Variants in POU6F1 observed in about 807,000 individuals in gnomAD.
POU6F1 encodes the protein POU domain, class 6, transcription factor 1.
POU6F1 carries 9 observed loss-of-function variants against 28.9 expected under a neutral mutation model. That is an observed-to-expected ratio of 0.31 (90% CI 0.19 to 0.54). The LOEUF (loss-of-function observed/expected upper bound fraction) is 0.54. POU6F1 is among the 20% of genes least tolerant of loss of function. The pLI is 0.94. For synonymous variants in POU6F1, 173 were observed against 171.1 expected, an observed-to-expected ratio of 1.01 and a Z score of -0.09; for missense variants, 338 against 426.1, an observed-to-expected ratio of 0.79 and a Z score of 1.82.
intron 6 of POU6F1, among the ~76,000 whole-genome samples, chr12:51,197,448 G>A (rs190935546): frequency 6.6e-6 from 1 of 152,330 alleles, no homozygotes; most frequent in African/African-American, 2.4e-5. Context: ...CCAGCATAGA[G>A]CTGTAAGCTC....
At chr12:51,212,469 T>TC (rs1408549238) in intron 1 of POU6F1, among the ~76,000 whole-genome samples, 20 of 151,706 alleles carry the variant, frequency 1.3e-4, no homozygotes, top group Non-Finnish European at 1.5e-5. Flanking sequence ...AAAACACATT[T>TC]CCCACCTTTG....
chr12:51,200,899 G>A (rs963882321), intron 3 of POU6F1, among the ~76,000 whole-genome samples: 3 of 152,164 alleles, frequency 2.0e-5, no homozygotes, highest in Non-Finnish European at 4.4e-5. Context: ...CACCATGTTG[G>A]TCAGGCTAGT....
In POU6F1 at chr12:51,196,009, G is replaced by C; in HGVS notation, c.1140C>G (p.Val380=). 1 of 1,608,466 alleles carries C rather than the reference G, an allele frequency of 6.2e-7. No individual in the cohort carries two copies. The highest frequency in any genetic ancestry group is 1.7e-5 in the Admixed American group (1 of 59,624). The part of the protein sequence containing the change: ...ASSPLPPPVA[V]RKPSTPESPA... Reference sequence around the variant, plus strand: ...GGGACTCAGGTGTGCTTGGCTTCCGGACAGCCACAGGTGGAGGCAGGGGGC... The same window carrying C: ...GGGACTCAGGTGTGCTTGGCTTCCGCACAGCCACAGGTGGAGGCAGGGGGC... The change falls in exon 8 of 11, where the codon GTC becomes GTG. Residue 380 remains valine (V), a synonymous_variant. Coordinates refer to ENST00000333640, the MANE Select transcript of POU6F1 (RefSeq NM_001330422.2).
chr12:51,211,194 G>T (rs935168839), intron 1 of POU6F1, among the ~76,000 whole-genome samples: 10 of 152,220 alleles, frequency 6.6e-5, no homozygotes, highest in Admixed American at 1.3e-4. Context: ...AGGGAGGAGA[G>T]ACAATCAGCT....
intron 3 of POU6F1, chr12:51,202,003 G>GC (rs1943249876): frequency 6.6e-6 from 1 of 152,122 alleles, no homozygotes; most frequent in South Asian, 2.1e-4. Context: ...GGAACTACAG[G>GC]CATGTGCCAC....
intron 3 of POU6F1, chr12:51,201,759 G>T (rs1943223636): frequency 6.6e-6 from 1 of 152,066 alleles, no homozygotes; most frequent in African/African-American, 2.4e-5. Flanking sequence ...ATACATTAGG[G>T]CTGCTATTGC....
intron 6 of POU6F1, among the ~76,000 whole-genome samples, chr12:51,197,270 T>G (rs534002264): frequency 8.4e-4 from 128 of 151,608 alleles, no homozygotes; most frequent in African/African-American, 3.0e-3. Context: ...GGCTAGGGGC[T>G]GCAGGGGTCA....
chr12:51,192,107 C>T (rs758203421), intron 9 of POU6F1, among the ~76,000 whole-genome samples: 5 of 124,644 alleles, frequency 4.0e-5, no homozygotes, highest in African/African-American at 8.1e-5. Context: ...ATGGCTCGGC[C>T]TCTCCAAAAA....
chr12:51,204,114 C>G, intron 3 of POU6F1, 59 bp downstream of exon 3: 2 of 399,002 alleles, frequency 5.0e-6, no homozygotes, highest in Non-Finnish European at 8.8e-6. Flanking sequence ...CCCCAGGGAC[C>G]ACAGGAGGGA....
At chr12:51,191,966 G>A (rs2137094639) in intron 9 of POU6F1, among the ~76,000 whole-genome samples, 1 of 152,184 alleles carries the variant, frequency 6.6e-6, no homozygotes, top group Non-Finnish European at 1.5e-5. Context: ...CAGGGGTAAG[G>A]AGCTATTTTC....
In POU6F1 at chr12:51,199,750, G is replaced by A. The variant is rs1943086026; in HGVS notation, c.363C>T (p.Pro121=). 2.5e-6 allele frequency: 1 copy of A among 398,972 alleles called. No homozygotes were observed. The highest frequency in any genetic ancestry group is 4.4e-6 in the Non-Finnish European group (1 of 226,110). 24.7% of individuals were successfully genotyped at this position (398,972 alleles called of 1,614,324 possible). The change falls in exon 4 of 11, where the codon CCC becomes CCT. Residue 121 remains proline, a synonymous_variant. Transcript: ENST00000333640. The surrounding 1 kb of genome is among the most constrained non-coding windows in gnomAD (Gnocchi z 4.1). ...TLTPLAVQAA[P]QVLTQENLAT... is the part of the protein sequence containing the mutation. ...AGCTCCCGAGGGCAGCCCTTACCTG[G>A]GGGGCAGCTTGTACAGCCAGTGGCG...
intron 3 of POU6F1, among the ~76,000 whole-genome samples, chr12:51,201,189 G>A (rs1454813852): frequency 6.6e-6 from 1 of 152,142 alleles, no homozygotes; most frequent in East Asian, 1.9e-4. Flanking sequence ...TGCAGTACTA[G>A]TCCATGTTTC....
intron 1 of POU6F1, among the ~76,000 whole-genome samples, chr12:51,214,113 G>C (rs577691443): frequency 6.6e-6 from 1 of 151,902 alleles, no homozygotes; most frequent in Admixed American, 6.6e-5. Flanking sequence ...TTGCACTCCT[G>C]TCTGGGAGAC....
At position 51,192,337 on chromosome 12, in the gene POU6F1, C is replaced by A; in HGVS notation, c.1314G>T (p.Leu438Phe). The change falls in exon 9 of 11, where the codon TTG (leucine) becomes TTT (phenylalanine). Residue 438 changes from leucine to phenylalanine, a missense_variant. Physicochemically the swap from Leu to Phe is conservative, Grantham distance 22. Around this residue, in one of 3 missense-constraint regions of POU6F1, gnomAD observed 206 missense variants for 225.6 expected, o/e 0.91. Coordinates refer to ENST00000333640, the MANE Select transcript of POU6F1 (RefSeq NM_001330422.2). ...TCTCCAGGAGCCACTTACTGGACACCAACTGGCTGACGGTGGGGGTCTCTG... is the reference window on the plus strand; with the variant it reads ...TCTCCAGGAGCCACTTACTGGACACAAACTGGCTGACGGTGGGGGTCTCTG... ...TCSETPTVSQ[L>F]VSKPHTPSLD... 6.2e-7 allele frequency: 1 copy of A among 1,614,046 alleles called. No individual in the cohort carries two copies. Among genetic ancestry groups the A allele is most frequent in the Non-Finnish European group, 8.5e-7 (1 of 1,179,948 alleles).
At chr12:51,208,430 C>A (rs578221595) in intron 1 of POU6F1, among the ~76,000 whole-genome samples, 11 of 152,274 alleles carry the variant, frequency 7.2e-5, no homozygotes, top group African/African-American at 2.4e-4. Flanking sequence ...CAATTGCTTG[C>A]TGTATTACTC....
In POU6F1 at chr12:51,189,425, T is replaced by C. The variant is rs1339128747; in HGVS notation, c.*822A>G. ...CGTTTTTTTGTGGGAGGGATGGCCA[T>C]TGACAGAGATTAAATTAAAATATGA... is the stretch of plus-strand genomic sequence containing the variant. On this transcript the variant is annotated 3_prime_UTR_variant, in exon 11 of 11. Transcript: ENST00000333640. The C allele has an allele frequency of 6.6e-6, 1 of 152,172 alleles. No individual in the cohort carries two copies. The highest frequency in any genetic ancestry group is 1.5e-5 in the Non-Finnish European group (1 of 68,038). The allele number at this position is 152,172 out of a possible 1,614,324, so 9.4% of individuals were successfully genotyped here.
At chr12:51,197,730 G>A (rs553794298) in intron 6 of POU6F1, 40 bp downstream of exon 6, 21 of 399,392 alleles carry the variant, frequency 5.3e-5, no homozygotes, top group Admixed American at 2.2e-4. Flanking sequence ...CCATGATTCC[G>A]TCCATCCCTG....
chr12:51,192,246 C>A, intron 9 of POU6F1, 84 bp downstream of exon 9: 1 of 1,525,386 alleles, frequency 6.6e-7, no homozygotes. Context: ...CCCAGGATAT[C>A]AAGGAAAGCA....
chr12:51,198,502 A>G (rs988761885), intron 5 of POU6F1, 48 bp downstream of exon 5: 2 of 396,998 alleles, frequency 5.0e-6, no homozygotes, highest in Non-Finnish European at 8.9e-6. Context: ...GCGGGGGTGT[A>G]GTAGAGGGTG....
Sources: gnomAD v4.1 joint callset for allele counts (sites outside exome capture counted in the v4.1 genomes callset) on GRCh38, gnomAD v4.1.1 for gene constraint, gnomAD v4.1.1 regional missense constraint, Gnocchi (gnomAD v3.1) non-coding constraint, MANE v1.5 for transcripts, NCBI Gene and HGNC (gene_info 2026-07-23, HGNC 2026-07-21) for gene names.